Variants in RHOBTB2 observed in about 807,000 individuals in gnomAD.
RHOBTB2 encodes Rho related BTB domain containing 2, also known as rho-related BTB domain-containing protein 2.
In RHOBTB2, 39 loss-of-function variants were observed where a neutral mutation model predicts 66.5. That is an observed-to-expected ratio of 0.59 (90% CI 0.45 to 0.77). The LOEUF (loss-of-function observed/expected upper bound fraction) is 0.77, where lower values mean the gene tolerates loss of function less well. Among genes scored for constraint, RHOBTB2 ranks in the 30% least tolerant of loss-of-function variants. RHOBTB2 has a pLI of 0.00. For synonymous variants in RHOBTB2, 390 were observed against 395.0 expected (o/e 0.99, Z 0.15); for missense variants, 755 against 999.1 (o/e 0.76, Z 3.29).
chr8:22,985,932 T>G (rs972179256), upstream of RHOBTB2, among the ~76,000 whole-genome samples: 12 of 152,150 alleles, frequency 7.9e-5, no homozygotes, highest in Non-Finnish European at 1.3e-4. Flanking sequence ...CACAAAGCCC[T>G]TCTCAACAGA....
chr8:23,000,026 G>C lies in RHOBTB2; in HGVS notation c.-90G>C. 1.0e-6 allele frequency: 1 copy of C among 985,560 alleles called. No homozygotes were observed. The allele number at this position is 985,560 out of a possible 1,614,324, so 61.1% of individuals were successfully genotyped here. ...AACTTGCAGGCGCGGAGGGACCCCT[G>C]ACATTTCACTAAAATGAGCGTGCTC... On this transcript the variant is annotated 5_prime_UTR_variant, in exon 1 of 10. Transcript: ENST00000251822.
chr8:22,956,566 T>C, the RHOBTB2 span, among the ~76,000 whole-genome samples: 1 of 152,298 alleles, frequency 6.6e-6, no homozygotes, highest in Admixed American at 6.5e-5. Flanking sequence ...GCCAAGCAGA[T>C]GCCAGCATCA....
rs1460148579 is a variant in RHOBTB2, at chr8:23,018,656, G to GT, written c.*1190dup. 7 of 152,520 alleles carry GT rather than the reference G, an allele frequency of 4.6e-5. No homozygotes were observed. The highest frequency in any genetic ancestry group is 1.7e-4 in the African/African-American group (7 of 41,578). The allele number at this position is 152,520 out of a possible 1,614,324, so 9.4% of individuals were successfully genotyped here. On this transcript the variant is annotated 3_prime_UTR_variant, in exon 10 of 10. Transcript: ENST00000251822. ...GGGCCCGGGCTGGCGGCAAAGAGGG[G>GT]TTTGGTCTCGGGGCTTAAATGGCAC...
rs1225683940 is a variant in RHOBTB2, at chr8:23,000,047, T to G, written c.-69T>G. ...CCCTGACATTTCACTAAAATGAGCG[T>G]GCTCAGCAGGAAGAGATGTGTTCCT... On this transcript the variant is annotated 5_prime_UTR_variant, in exon 1 of 10. Transcript: ENST00000251822. 2 of 985,394 alleles carry G rather than the reference T, an allele frequency of 2.0e-6. No individual in the cohort carries two copies. The highest frequency in any genetic ancestry group is 3.5e-5 in the African/African-American group (2 of 57,234). The allele number at this position is 985,394 out of a possible 1,614,324, so 61.0% of individuals were successfully genotyped here.
the RHOBTB2 span, among the ~76,000 whole-genome samples, chr8:22,968,403 T>C: frequency 2.0e-5 from 3 of 152,120 alleles, no homozygotes; most frequent in Non-Finnish European, 4.4e-5. Context: ...GATACATATC[T>C]AGTTAGTTGA....
chr8:23,011,287 T>C (rs1002927599), intron 7 of RHOBTB2, among the ~76,000 whole-genome samples: 1 of 152,142 alleles, frequency 6.6e-6, no homozygotes, highest in Non-Finnish European at 1.5e-5. Flanking sequence ...AACATGACAG[T>C]GCTTTATGTT....
At chr8:23,012,572 A>G (rs1231380976) in intron 7 of RHOBTB2, among the ~76,000 whole-genome samples, 1 of 152,222 alleles carries the variant, frequency 6.6e-6, no homozygotes, top group Non-Finnish European at 1.5e-5. Context: ...TAGAACACAA[A>G]TACATAAAAG....
intron 6 of RHOBTB2, 25 bp from the exon 7 acceptor site, chr8:23,010,513 G>GT: frequency 6.2e-7 from 1 of 1,603,940 alleles, no homozygotes; most frequent in Admixed American, 1.7e-5. Context: ...TCTCATTGCT[G>GT]TCCGCTCACT....
chr8:22,979,200 C>T, the RHOBTB2 span, among the ~76,000 whole-genome samples: 1 of 152,272 alleles, frequency 6.6e-6, no homozygotes, highest in South Asian at 2.1e-4. Flanking sequence ...TCTTTCCAAA[C>T]ATTTTTCTTT....
chr8:22,978,348 G>A, the RHOBTB2 span, among the ~76,000 whole-genome samples: 30 of 151,604 alleles, frequency 2.0e-4, no homozygotes, highest in Non-Finnish European at 2.4e-4. Flanking sequence ...TTAGCCAGGC[G>A]TGTTGGCGGG....
intron 8 of RHOBTB2, 100 bp from the exon 9 acceptor site, chr8:23,015,538 C>T (rs557164023): frequency 6.1e-5 from 47 of 776,464 alleles, no homozygotes; most frequent in Non-Finnish European, 8.8e-5. Context: ...CCTCTGCGTG[C>T]CCTGCACCAG....
chr8:23,009,660 G>A (rs1312702599), intron 6 of RHOBTB2, among the ~76,000 whole-genome samples: 1 of 152,218 alleles, frequency 6.6e-6, no homozygotes, highest in Non-Finnish European at 1.5e-5. Flanking sequence ...CAAGCACGAG[G>A]CTGGGCTGCA....
upstream of RHOBTB2, among the ~76,000 whole-genome samples, chr8:22,994,925 C>T (rs184870146): frequency 1.3e-3 from 201 of 152,228 alleles, 2 homozygotes; most frequent in African/African-American, 4.5e-3. Flanking sequence ...GCCACCACGC[C>T]CAGCTAATTT....
chr8:22,977,179 G>T, the RHOBTB2 span, among the ~76,000 whole-genome samples: 1 of 152,198 alleles, frequency 6.6e-6, no homozygotes, highest in Non-Finnish European at 1.5e-5. Context: ...AAGAACAAAA[G>T]CTTCCTTGTC....
At chr8:23,009,673 G>T (rs935820606) in intron 6 of RHOBTB2, among the ~76,000 whole-genome samples, 1 of 152,190 alleles carries the variant, frequency 6.6e-6, no homozygotes, top group Non-Finnish European at 1.5e-5. Flanking sequence ...GGGCTGCATC[G>T]CATCCCGTGA....
At chr8:22,977,444 T>C in the RHOBTB2 span, among the ~76,000 whole-genome samples, 1 of 151,896 alleles carries the variant, frequency 6.6e-6, no homozygotes, top group Non-Finnish European at 1.5e-5. Flanking sequence ...TGGTGGTGTG[T>C]GCCTGTAGTT....
chr8:23,017,719 C>T lies in RHOBTB2; in HGVS notation c.*250C>T, dbSNP rs901845461. 3 of 547,850 alleles carry T rather than the reference C, an allele frequency of 5.5e-6. No individual in the cohort carries two copies. The highest frequency in any genetic ancestry group is 3.1e-5 in the Admixed American group (1 of 32,072). The allele number at this position is 547,850 out of a possible 1,614,324, so 33.9% of individuals were successfully genotyped here. The stretch of plus-strand genomic sequence containing the variant: ...GACGGGAGACAACTGCTTGGAGGAG[C>T]GAAGAGCCCTGGCATTTTATCTCTG... On this transcript the variant is annotated 3_prime_UTR_variant, in exon 10 of 10. Transcript: ENST00000251822. The surrounding 1 kb of genome is among the most constrained non-coding windows in gnomAD (Gnocchi z 5.3).
upstream of RHOBTB2, among the ~76,000 whole-genome samples, chr8:22,997,546 C>T (rs1810609633): frequency 6.6e-6 from 1 of 152,240 alleles, no homozygotes; most frequent in Non-Finnish European, 1.5e-5. Context: ...GGAATTCACA[C>T]AGTCCAGCCT....
At chr8:22,996,023 C>G (rs530683814), upstream of RHOBTB2, 225 of 785,576 alleles carry the variant, frequency 2.9e-4, no homozygotes, top group African/African-American at 3.6e-3. Context: ...GAGAGCAACG[C>G]TGGTGGGACT....
Sources: allele counts gnomAD v4.1 joint callset (sites outside exome capture counted in the v4.1 genomes callset), GRCh38; gene constraint gnomAD v4.1.1; non-coding constraint Gnocchi (gnomAD v3.1); transcripts MANE v1.5; gene names NCBI Gene and HGNC (gene_info 2026-07-23, HGNC 2026-07-21).